The following XRCC4 variants were observed in gnomAD, a reference collection of about 807,000 sequenced individuals.
XRCC4 encodes the protein DNA repair protein XRCC4.
A neutral mutation model predicts 39.1 loss-of-function variants in XRCC4; 28 were observed. That is an observed-to-expected ratio of 0.72 (90% confidence interval 0.53 to 0.98). The LOEUF is 0.98. Ranked by LOEUF, XRCC4 falls within the 50% of genes least tolerant of loss-of-function variation. XRCC4 has a pLI of 0.00. For missense variants in XRCC4, 350 were observed against 376.4 expected, an observed-to-expected ratio of 0.93 and a Z score of 0.58; for synonymous variants, 123 against 126.4, an observed-to-expected ratio of 0.97 and a Z score of 0.18.
intron 6 of XRCC4, among the ~76,000 whole-genome samples, chr5:83,248,086 C>G (rs1391902159): frequency 6.6e-6 from 1 of 151,842 alleles, no homozygotes; most frequent in East Asian, 1.9e-4. Flanking sequence ...CTACTCTCAC[C>G]AACTCAACTC....
chr5:83,308,298 A>G (rs1264660622), intron 7 of XRCC4, among the ~76,000 whole-genome samples: 1 of 152,206 alleles, frequency 6.6e-6, no homozygotes, highest in Non-Finnish European at 1.5e-5. Flanking sequence ...AGACATAAAT[A>G]TCATGGAGAG....
chr5:83,272,918 T>A (rs1754193453), intron 7 of XRCC4, among the ~76,000 whole-genome samples: 1 of 152,192 alleles, frequency 6.6e-6, no homozygotes, highest in Non-Finnish European at 1.5e-5. Context: ...GTAGAATGAT[T>A]TTTAATCCTT....
chr5:83,209,083 AGTGTGTGTGTGTGTGT>A (rs35019637), intron 6 of XRCC4, among the ~76,000 whole-genome samples: 44 of 143,684 alleles, frequency 3.1e-4, no homozygotes, highest in African/African-American at 8.9e-4. Flanking sequence ...CTCCAAAGTG[AGTGTGTGTGTGTGTGT>A]GTGTGTGTGT....
At chr5:83,273,344 G>A (rs1223887973) in intron 7 of XRCC4, among the ~76,000 whole-genome samples, 1 of 152,176 alleles carries the variant, frequency 6.6e-6, no homozygotes, top group East Asian at 1.9e-4. Flanking sequence ...TGGATAGATT[G>A]CAAAAATTTT....
intron 3 of XRCC4, among the ~76,000 whole-genome samples, chr5:83,173,445 C>T (rs1749819295): frequency 6.6e-6 from 1 of 152,082 alleles, no homozygotes; most frequent in African/African-American, 2.4e-5. Context: ...AGTGTTACTA[C>T]ACAGGGGAAA....
chr5:83,351,816 G>A (rs898648077), intron 7 of XRCC4, among the ~76,000 whole-genome samples: 1 of 152,148 alleles, frequency 6.6e-6, no homozygotes, highest in Non-Finnish European at 1.5e-5. Context: ...AGATGCCAAG[G>A]AGAACTCATT....
At chr5:83,251,186 G>A (rs1045038847) in intron 6 of XRCC4, among the ~76,000 whole-genome samples, 6 of 152,076 alleles carry the variant, frequency 3.9e-5, no homozygotes, top group African/African-American at 1.4e-4. Flanking sequence ...GAATTCTTAA[G>A]GTCTGAAGAA....
intron 3 of XRCC4, among the ~76,000 whole-genome samples, chr5:83,180,558 G>C (rs1223632988): frequency 6.6e-6 from 1 of 152,094 alleles, no homozygotes. Flanking sequence ...GCTAATTTCA[G>C]ATGTGACTTT....
chr5:83,340,138 G>A (rs1190346412), intron 7 of XRCC4, among the ~76,000 whole-genome samples: 41 of 152,156 alleles, frequency 2.7e-4, no homozygotes, highest in Admixed American at 2.7e-3. Context: ...CAGCTTGGGG[G>A]ATTTCTTTTA....
chr5:83,188,796 CTG>C (rs1750566870), intron 3 of XRCC4, among the ~76,000 whole-genome samples: 1 of 152,092 alleles, frequency 6.6e-6, no homozygotes, highest in South Asian at 2.1e-4. Flanking sequence ...CTTTCAACCT[CTG>C]TAGAGTTAAA....
chr5:83,080,632 A>G (rs1744895101), intron 1 of XRCC4, among the ~76,000 whole-genome samples: 2 of 152,114 alleles, frequency 1.3e-5, no homozygotes, highest in South Asian at 2.1e-4. Context: ...GCCCGGGGCC[A>G]TGAATCATCT....
intron 3 of XRCC4, among the ~76,000 whole-genome samples, chr5:83,191,270 A>G (rs940570359): frequency 6.6e-6 from 1 of 152,216 alleles, no homozygotes; most frequent in Non-Finnish European, 1.5e-5. Context: ...GTCTCCATCC[A>G]TATCTCATCT....
intron 1 of XRCC4, among the ~76,000 whole-genome samples, chr5:83,079,977 T>C (rs571139691): frequency 2.0e-5 from 3 of 152,214 alleles, no homozygotes; most frequent in African/African-American, 7.2e-5. Flanking sequence ...CTCAGTGTTA[T>C]GAGGATTACA....
At chr5:83,182,045 C>T (rs190838911) in intron 3 of XRCC4, among the ~76,000 whole-genome samples, 49 of 152,200 alleles carry the variant, frequency 3.2e-4, no homozygotes, top group African/African-American at 1.1e-3. Context: ...ACTCCCTTTC[C>T]CCAAACAGGA....
chr5:83,200,774 T>C (rs1751155227), intron 4 of XRCC4, among the ~76,000 whole-genome samples: 1 of 152,324 alleles, frequency 6.6e-6, no homozygotes, highest in East Asian at 1.9e-4. Context: ...ACTTTGCATA[T>C]GTTTGAAGTA....
intron 2 of XRCC4, among the ~76,000 whole-genome samples, chr5:83,106,778 T>C (rs1746218387): frequency 6.6e-6 from 1 of 152,012 alleles, no homozygotes; most frequent in African/African-American, 2.4e-5. Flanking sequence ...CAACACTCTT[T>C]GCAATTATCT....
intron 3 of XRCC4, among the ~76,000 whole-genome samples, chr5:83,150,725 T>A (rs559948530): frequency 6.6e-6 from 1 of 152,306 alleles, no homozygotes; most frequent in South Asian, 2.1e-4. Context: ...TTGAAATTTA[T>A]TCTATGTTCT....
chr5:83,117,177 G>A (rs749374894), intron 3 of XRCC4, among the ~76,000 whole-genome samples: 2 of 152,174 alleles, frequency 1.3e-5, no homozygotes, highest in South Asian at 2.1e-4. Flanking sequence ...CATAGAGTGC[G>A]AACCCATGTG....
chr5:83,173,864 T>G (rs1412632280), intron 3 of XRCC4, among the ~76,000 whole-genome samples: 1 of 152,172 alleles, frequency 6.6e-6, no homozygotes, highest in African/African-American at 2.4e-5. Flanking sequence ...AGAATCCCTT[T>G]GGGAAGAGTT....
Sources: gnomAD v4.1 joint callset for allele counts (sites outside exome capture counted in the v4.1 genomes callset) on GRCh38, gnomAD v4.1.1 for gene constraint, MANE v1.5 for transcripts, NCBI Gene and HGNC (gene_info 2026-07-23, HGNC 2026-07-21) for gene names.